Variants in CSGALNACT1 observed in about 807,000 individuals in gnomAD.
The protein encoded by CSGALNACT1 is beta4GalNAcT-1.
A neutral mutation model predicts 51.0 loss-of-function variants in CSGALNACT1; 52 were observed. The ratio of observed to expected loss-of-function variants is 1.02; its 90% CI spans 0.82 to 1.29. CSGALNACT1 has a LOEUF of 1.29. Among genes scored for constraint, CSGALNACT1 ranks in the 50% most tolerant of loss-of-function variants. The pLI is 0.00. For missense variants in CSGALNACT1, 935 were observed against 679.2 expected (o/e 1.38, Z -4.19); for synonymous variants, 341 against 254.4 (o/e 1.34, Z -3.24).
intron 1 of CSGALNACT1, among the ~76,000 whole-genome samples, chr8:19,637,254 G>T (rs946821470): frequency 6.6e-6 from 1 of 152,094 alleles, no homozygotes; most frequent in African/African-American, 2.4e-5. Flanking sequence ...TCTGCTTCAA[G>T]AGACTTTCCC....
chr8:19,432,109 C>T (rs545508818), intron 6 of CSGALNACT1, among the ~76,000 whole-genome samples: 3 of 152,250 alleles, frequency 2.0e-5, no homozygotes, highest in East Asian at 3.9e-4. Flanking sequence ...CCTTTCATGT[C>T]CGCCCCAAGG....
chr8:19,494,190 C>T (rs2075007009), intron 4 of CSGALNACT1, among the ~76,000 whole-genome samples: 1 of 152,164 alleles, frequency 6.6e-6, no homozygotes, highest in Non-Finnish European at 1.5e-5. Flanking sequence ...TTATGTTCCT[C>T]CTTGATGCGC....
At chr8:19,646,728 A>G (rs1221995959) in intron 1 of CSGALNACT1, among the ~76,000 whole-genome samples, 1 of 152,180 alleles carries the variant, frequency 6.6e-6, no homozygotes, top group African/African-American at 2.4e-5. Flanking sequence ...AAAGGGGTCT[A>G]TAAATATCCA....
intron 2 of CSGALNACT1, among the ~76,000 whole-genome samples, chr8:19,595,255 T>C (rs1477054328): frequency 1.3e-5 from 2 of 152,242 alleles, no homozygotes; most frequent in East Asian, 3.8e-4. Flanking sequence ...GTTATCCCTT[T>C]AGAGCGAGTA....
chr8:19,636,221 TAA>T (rs1283037409), intron 1 of CSGALNACT1, among the ~76,000 whole-genome samples: 3 of 152,232 alleles, frequency 2.0e-5, no homozygotes, highest in African/African-American at 7.2e-5. Context: ...CAGTTTCACG[TAA>T]CTTTTATTAC....
At position 19,485,681 on chromosome 8, in the gene CSGALNACT1, C is replaced by T. The variant is rs576459993; in HGVS notation, c.634+19520G>A. Among the ~76,000 whole-genome samples the T allele has an allele frequency of 2.7e-5, 4 of 149,578 alleles. No homozygotes were observed. The East Asian group carries it at 6.0e-4, about 22-fold the overall frequency. Reference sequence around the variant, plus strand: ...CATCTGCTTCCTCCATTCCCTTTTACTTCAAATATTCACCTTATCTTATGT... The same window carrying T: ...CATCTGCTTCCTCCATTCCCTTTTATTTCAAATATTCACCTTATCTTATGT... On this transcript the variant is annotated intron_variant, in intron 4 of 9. Coordinates refer to ENST00000454498, the Ensembl canonical transcript of CSGALNACT1.
intron 2 of CSGALNACT1, among the ~76,000 whole-genome samples, chr8:19,595,642 A>C (rs1191741625): frequency 6.6e-6 from 1 of 152,042 alleles, no homozygotes; most frequent in African/African-American, 2.4e-5. Flanking sequence ...CTGGCCAGAC[A>C]TGGTGGCTCA....
Position 19,451,751 on chromosome 8 carries a change from C to T in CSGALNACT1, c.851+6675G>A, listed in dbSNP as rs548505624. Reference sequence around the variant, plus strand: ...AGACATATTTATTGTAAGTTGAAGCCATGCAAGTCTTTTCTAGGTAAATAA... The same window carrying T: ...AGACATATTTATTGTAAGTTGAAGCTATGCAAGTCTTTTCTAGGTAAATAA... On this transcript the variant is annotated intron_variant, in intron 5 of 9. Transcript: ENST00000454498. Among the ~76,000 whole-genome samples the T allele has an allele frequency of 6.6e-4, 101 of 152,296 alleles. 2 individuals carry two copies. Among genetic ancestry groups the T allele is most frequent in the African/African-American group, 2.3e-3 (96 of 41,568 alleles).
chr8:19,418,174 G>T (rs931441087), intron 8 of CSGALNACT1, among the ~76,000 whole-genome samples: 1 of 152,164 alleles, frequency 6.6e-6, no homozygotes, highest in African/African-American at 2.4e-5. Context: ...TGGCATGACG[G>T]GAAGGGCACT....
At chr8:19,636,528 T>A (rs2056088619) in intron 1 of CSGALNACT1, among the ~76,000 whole-genome samples, 1 of 152,154 alleles carries the variant, frequency 6.6e-6, no homozygotes, top group African/African-American at 2.4e-5. Flanking sequence ...GGACAGTTTT[T>A]TATATTCTAT....
Position 19,629,206 on chromosome 8 carries a change from G to A in CSGALNACT1, c.-543-27341C>T, listed in dbSNP as rs75790915. On this transcript the variant is annotated intron_variant, in intron 1 of 9. Coordinates refer to the CSGALNACT1 transcript ENST00000332246. ...AAAGAGACTTAAATCGAAAAAAACCGTTTAGTTTGACATTAAAAAACGTTT... is the reference window on the plus strand; with the variant it reads ...AAAGAGACTTAAATCGAAAAAAACCATTTAGTTTGACATTAAAAAACGTTT... Among the ~76,000 whole-genome samples, 918 of 152,274 alleles carry A rather than the reference G, an allele frequency of 6.0e-3. 8 individuals carry two copies. Among genetic ancestry groups the A allele is most frequent in the African/African-American group, 0.021 (874 of 41,544 alleles).
intron 4 of CSGALNACT1, among the ~76,000 whole-genome samples, chr8:19,465,260 G>A (rs4922030): frequency 0.71 from 107,983 of 152,030 alleles, 38,515 homozygotes; most frequent in East Asian, 0.86. Flanking sequence ...GACAAATACT[G>A]TAAGATCCCG....
At chr8:19,716,293 G>A (rs997334773) in intron 1 of CSGALNACT1, among the ~76,000 whole-genome samples, 1 of 151,898 alleles carries the variant, frequency 6.6e-6, no homozygotes, top group Admixed American at 6.6e-5. Context: ...CTGTGCACTC[G>A]GCATATCCTG....
intron 1 of CSGALNACT1, among the ~76,000 whole-genome samples, chr8:19,651,334 C>G (rs764210952): frequency 6.6e-6 from 1 of 152,034 alleles, no homozygotes; most frequent in Non-Finnish European, 1.5e-5. Context: ...CAGCCTGTTG[C>G]AGACATTCTG....
At position 19,425,161 on chromosome 8, in the gene CSGALNACT1, G is replaced by A. The variant is rs116075900; in HGVS notation, c.954-4643C>T. On this transcript the variant is annotated intron_variant, in intron 6 of 9. Coordinates refer to ENST00000454498, the Ensembl canonical transcript of CSGALNACT1. ...AGTTCGAGACTGAACTGACCAACAT[G>A]GTGAAACCCCATTTCTATTAAAAAT... 9.5e-3 allele frequency among the ~76,000 whole-genome samples: 1,449 copies of A among 152,208 alleles called. 22 individuals carry two copies. The highest frequency in any genetic ancestry group is 0.033 in the African/African-American group (1,379 of 41,518).
At chr8:19,498,957 G>A (rs747340946) in intron 4 of CSGALNACT1, among the ~76,000 whole-genome samples, 1 of 151,970 alleles carries the variant, frequency 6.6e-6, no homozygotes, top group Non-Finnish European at 1.5e-5. Flanking sequence ...CTATCAAAAG[G>A]TTTAAAAAAT....
At chr8:19,627,688 G>A (rs1004051370) in intron 1 of CSGALNACT1, among the ~76,000 whole-genome samples, 3 of 152,088 alleles carry the variant, frequency 2.0e-5, no homozygotes, top group African/African-American at 7.2e-5. Flanking sequence ...AGCCAGGTAT[G>A]GTGGCATGCA....
intron 1 of CSGALNACT1, among the ~76,000 whole-genome samples, chr8:19,640,773 C>T (rs546402540): frequency 6.6e-6 from 1 of 152,130 alleles, no homozygotes; most frequent in African/African-American, 2.4e-5. Context: ...CAGGCCCTTA[C>T]ACTATTCTTA....
In CSGALNACT1 at chr8:19,554,779, G is replaced by T. The variant is rs2089274934; in HGVS notation, c.-297+36381C>A. ...CTAAAAATACAAAAATTAGCTGGGT[G>T]TGGTGGCACACACCTGTAGTCCCAG... On this transcript the variant is annotated intron_variant, in intron 3 of 9. Transcript: ENST00000454498. 2.0e-5 allele frequency among the ~76,000 whole-genome samples: 3 copies of T among 152,050 alleles called. No individual in the cohort carries two copies. In the South Asian group the frequency reaches 6.2e-4, roughly 32 times the overall value.
Sources: allele counts gnomAD v4.1 joint callset (sites outside exome capture counted in the v4.1 genomes callset), GRCh38; gene constraint gnomAD v4.1.1; transcripts MANE v1.5; gene names NCBI Gene and HGNC (gene_info 2026-07-23, HGNC 2026-07-21).